Variants in RCC2 observed in about 807,000 individuals in gnomAD.
The protein encoded by RCC2 is regulator of chromosome condensation 2, also known as protein RCC2.
In RCC2, 19 loss-of-function variants were observed where a neutral mutation model predicts 64.1. That is an observed-to-expected ratio of 0.30 (90% CI 0.21 to 0.44). The LOEUF is 0.44. RCC2 is among the 20% of genes least tolerant of loss of function. The probability of loss-of-function intolerance (pLI) is 1.00; values close to 1 mark genes in which losing one functional copy is unlikely to be tolerated. For synonymous variants in RCC2, 325 were observed against 279.6 expected (o/e 1.16, Z -1.62); for missense variants, 508 against 710.4 (o/e 0.72, Z 3.24).
intron 8 of RCC2, among the ~76,000 whole-genome samples, chr1:17,415,924 C>T (rs1350060423): frequency 1.3e-5 from 2 of 151,210 alleles, no homozygotes; most frequent in African/African-American, 2.4e-5. Context: ...CAAAACTAGC[C>T]GGGGCATGGT....
intron 2 of RCC2, among the ~76,000 whole-genome samples, chr1:17,433,404 C>T (rs975477991): frequency 6.6e-6 from 1 of 152,148 alleles, no homozygotes; most frequent in Admixed American, 6.5e-5. Context: ...CCCGCGCTTG[C>T]GGGCTCCACC....
intron 2 of RCC2, among the ~76,000 whole-genome samples, chr1:17,430,814 T>C (rs935502817): frequency 2.5e-4 from 37 of 150,508 alleles, no homozygotes; most frequent in Admixed American, 6.6e-5. Context: ...CTGCAACCTC[T>C]GCCTCCCGGG....
chr1:17,416,009 T>C (rs2075479309), intron 8 of RCC2, among the ~76,000 whole-genome samples: 2 of 135,054 alleles, frequency 1.5e-5, no homozygotes, highest in African/African-American at 2.8e-5. Flanking sequence ...GTGGAAGCTG[T>C]GGTGAGCCGA....
At chr1:17,418,572 G>A (rs1029183281) in intron 7 of RCC2, among the ~76,000 whole-genome samples, 1 of 152,020 alleles carries the variant, frequency 6.6e-6, no homozygotes, top group Non-Finnish European at 1.5e-5. Context: ...CAGGAGAATC[G>A]CTTGAACCCG....
At chr1:17,412,985 C>A (rs2075443314) in intron 10 of RCC2, 88 bp downstream of exon 10, 1 of 919,064 alleles carries the variant, frequency 1.1e-6, no homozygotes, top group Non-Finnish European at 1.7e-6. Context: ...AGAAACAGAG[C>A]CCCATCAGGG....
intron 11 of RCC2, among the ~76,000 whole-genome samples, chr1:17,411,920 T>C (rs1223314079): frequency 1.3e-5 from 2 of 152,240 alleles, no homozygotes; most frequent in Admixed American, 1.3e-4. Flanking sequence ...TGTGCAGAGA[T>C]GACTCAGAAT....
intron 2 of RCC2, among the ~76,000 whole-genome samples, chr1:17,437,480 G>A (rs1032422260): frequency 1.3e-5 from 2 of 152,180 alleles, no homozygotes; most frequent in African/African-American, 4.8e-5. Flanking sequence ...ACGTTAACTT[G>A]AGTCAGCCAC....
At chr1:17,412,343 C>G in intron 10 of RCC2, 149 bp from the exon 11 acceptor site, 2 of 664,640 alleles carry the variant, frequency 3.0e-6, no homozygotes, top group Non-Finnish European at 5.2e-6. Context: ...CAACAGGTTT[C>G]TCCTCAATCC....
chr1:17,416,378 T>C lies in RCC2; in HGVS notation c.1026+102A>G, dbSNP rs919367807. 5 of 1,305,124 alleles carry C rather than the reference T, an allele frequency of 3.8e-6. No individual in the cohort carries two copies. The African/African-American group carries it at 4.4e-5, about 12-fold the overall frequency. 80.8% of individuals were successfully genotyped at this position (1,305,124 alleles called of 1,614,324 possible). A position where few individuals can be genotyped will look rare whatever the true frequency, so the allele number is the denominator to read the frequency against. On this transcript the variant is annotated intron_variant, in intron 8 of 12. Transcript: ENST00000375436. The stretch of plus-strand genomic sequence containing the variant: ...TTGAAGAAGCAAGCAGATGTCTACC[T>C]GGGATCAGTTCCTAGCCAAAGCCAA...
intron 4 of RCC2, 139 bp downstream of exon 4, chr1:17,425,402 G>GA (rs991584099): frequency 1.1e-5 from 9 of 844,552 alleles, no homozygotes; most frequent in Non-Finnish European, 1.6e-5. Flanking sequence ...TGGGAATTAG[G>GA]AAAAAAGACA....
rs1223978204 is a variant in RCC2 at position 17,407,367 on chromosome 1, G to C, written c.*1723C>G. 6.6e-6 allele frequency: 1 copy of C among 152,282 alleles called. No homozygotes were observed. Among genetic ancestry groups the C allele is most frequent in the Non-Finnish European group, 1.5e-5 (1 of 68,068 alleles). 9.4% of individuals were successfully genotyped at this position (152,282 alleles called of 1,614,324 possible). On this transcript the variant is annotated 3_prime_UTR_variant, in exon 13 of 13. Transcript: ENST00000375436. ...AGACCTGTCCAGGGAAACGGATCAG[G>C]CTGTCGCATGGAAGCTTACGTCAGA...
intron 2 of RCC2, among the ~76,000 whole-genome samples, chr1:17,429,637 C>T (rs922075715): frequency 2.6e-5 from 4 of 152,194 alleles, no homozygotes; most frequent in Admixed American, 1.3e-4. Flanking sequence ...AGGAGCCTCA[C>T]ATCACTTCTG....
chr1:17,439,497 AC>A (rs1450055939), intron 1 of RCC2, 47 bp downstream of exon 1: 3 of 147,734 alleles, frequency 2.0e-5, no homozygotes, highest in Non-Finnish European at 4.5e-5. Context: ...AAAAAAAAAA[AC>A]TTTCCCAGAC....
chr1:17,416,446 C>G, intron 8 of RCC2, 34 bp downstream of exon 8: 1 of 1,582,820 alleles, frequency 6.3e-7, no homozygotes, highest in Non-Finnish European at 8.6e-7. Context: ...CATCCTGGTG[C>G]GACTCTCAGG....
intron 10 of RCC2, 109 bp from the exon 11 acceptor site, chr1:17,412,303 CA>C (rs2100353700): frequency 2.2e-6 from 2 of 926,288 alleles, no homozygotes; most frequent in East Asian, 5.1e-5. Flanking sequence ...TTGGCGTACT[CA>C]TTCCAAGTAG....
At chr1:17,436,784 C>T (rs1305799899) in intron 2 of RCC2, among the ~76,000 whole-genome samples, 2 of 152,222 alleles carry the variant, frequency 1.3e-5, no homozygotes, top group Non-Finnish European at 2.9e-5. Flanking sequence ...ACAGGAGACG[C>T]GGAAGCTCAC....
At chr1:17,423,364 T>G (rs1228063337) in intron 4 of RCC2, among the ~76,000 whole-genome samples, 1 of 152,200 alleles carries the variant, frequency 6.6e-6, no homozygotes, top group Non-Finnish European at 1.5e-5. Context: ...CACATAACAG[T>G]GCCAATCCCA....
intron 6 of RCC2, among the ~76,000 whole-genome samples, chr1:17,421,202 GA>G (rs998810240): frequency 3.3e-5 from 5 of 150,956 alleles, no homozygotes; most frequent in East Asian, 1.9e-4. Flanking sequence ...AAGTTTCTTA[GA>G]AAAAAAAAGA....
chr1:17,414,073 G>A (rs2075455332), intron 8 of RCC2, among the ~76,000 whole-genome samples: 1 of 152,230 alleles, frequency 6.6e-6, no homozygotes, highest in Non-Finnish European at 1.5e-5. Context: ...AAAATGGCAT[G>A]CATTCAATAA....
Sources: allele counts gnomAD v4.1 joint callset (sites outside exome capture counted in the v4.1 genomes callset), GRCh38; gene constraint gnomAD v4.1.1; transcripts MANE v1.5; gene names NCBI Gene and HGNC (gene_info 2026-07-23, HGNC 2026-07-21).